MALRD1: variants seen among roughly 807,000 people sequenced by gnomAD.
The protein encoded by MALRD1 is MAM and LDL-receptor class A domain-containing protein 1.
MALRD1 carries 247 observed loss-of-function variants against 242.1 expected under a neutral mutation model. The observed-to-expected ratio is 1.02, with a 90% CI of 0.92 to 1.13. The LOEUF (loss-of-function observed/expected upper bound fraction) is 1.13, where lower values mean the gene tolerates loss of function less well. Among genes scored for constraint, MALRD1 ranks in the 50% most tolerant of loss-of-function variants. The pLI, the probability that MALRD1 is intolerant of heterozygous loss-of-function variation, is 0.00. For synonymous variants in MALRD1, 995 were observed against 866.6 expected, an observed-to-expected ratio of 1.15 and a Z score of -2.60; for missense variants, 2,989 against 2,533.1, an observed-to-expected ratio of 1.18 and a Z score of -3.86.
intron 38 of MALRD1, chr10:19,724,793 T>C (rs1255552583): frequency 1.3e-5 from 2 of 152,178 alleles, no homozygotes; most frequent in African/African-American, 4.8e-5. Flanking sequence ...AACTTCAGTA[T>C]TCATAAATGG....
chr10:19,531,116 CTGT>C, intron 31 of MALRD1, 75 bp from the exon 32 acceptor site: 1 of 1,200,992 alleles, frequency 8.3e-7, no homozygotes, highest in South Asian at 1.7e-5. Context: ...AAAAAGATAT[CTGT>C]TAATAGTTTA....
chr10:19,084,820 A>C, intron 2 of MALRD1, among the ~76,000 whole-genome samples: 1 of 152,090 alleles, frequency 6.6e-6, no homozygotes, highest in South Asian at 2.1e-4. Context: ...AAGTCCTCTA[A>C]CGTAAACATT....
chr10:19,616,751 T>C (rs1839174943), intron 36 of MALRD1, among the ~76,000 whole-genome samples: 1 of 151,986 alleles, frequency 6.6e-6, no homozygotes, highest in African/African-American at 2.4e-5. Context: ...GAAAAAGTAA[T>C]TTATTCCTAA....
chr10:19,354,848 A>G (rs935700150), intron 26 of MALRD1, among the ~76,000 whole-genome samples: 2 of 152,162 alleles, frequency 1.3e-5, no homozygotes, highest in African/African-American at 4.8e-5. Context: ...TTGTATCAAA[A>G]TATTACATGC....
intron 36 of MALRD1, among the ~76,000 whole-genome samples, chr10:19,687,480 A>G (rs114844597): frequency 1.5e-3 from 230 of 152,166 alleles, no homozygotes; most frequent in African/African-American, 5.1e-3. Flanking sequence ...CCCCACTTGC[A>G]CTGGTTTTCT....
chr10:19,234,808 A>G (rs188917068), intron 18 of MALRD1, among the ~76,000 whole-genome samples: 1 of 152,248 alleles, frequency 6.6e-6, no homozygotes, highest in Non-Finnish European at 1.5e-5. Flanking sequence ...ACAAAGGCAC[A>G]CAAGCAAAGA....
intron 2 of MALRD1, among the ~76,000 whole-genome samples, chr10:19,082,984 G>A (rs1300774317): frequency 6.6e-6 from 1 of 152,012 alleles, no homozygotes; most frequent in Non-Finnish European, 1.5e-5. Context: ...TGGTTCATAA[G>A]ACAGTACTAT....
At chr10:19,071,862 G>A (rs767252485) in intron 2 of MALRD1, among the ~76,000 whole-genome samples, 1 of 152,134 alleles carries the variant, frequency 6.6e-6, no homozygotes, top group Non-Finnish European at 1.5e-5. Flanking sequence ...TTTTAAATCA[G>A]TGAAAATTTA....
intron 36 of MALRD1, among the ~76,000 whole-genome samples, chr10:19,629,973 C>A (rs906489955): frequency 7.9e-5 from 12 of 152,176 alleles, no homozygotes; most frequent in African/African-American, 2.9e-4. Context: ...GAACTTATCC[C>A]TCTTAGTAGA....
chr10:19,305,374 G>C (rs1440992757), intron 21 of MALRD1, among the ~76,000 whole-genome samples: 1 of 151,430 alleles, frequency 6.6e-6, no homozygotes, highest in Admixed American at 6.6e-5. Flanking sequence ...CCCAAGTAAG[G>C]TTTTCAGGTT....
intron 13 of MALRD1, among the ~76,000 whole-genome samples, chr10:19,172,277 G>T (rs1171876433): frequency 4.1e-5 from 6 of 148,096 alleles, no homozygotes; most frequent in Non-Finnish European, 9.0e-5. Flanking sequence ...AGGTGATTTT[G>T]AAACCATGAG....
At chr10:19,518,046 C>T (rs1055339154) in intron 31 of MALRD1, among the ~76,000 whole-genome samples, 4 of 152,156 alleles carry the variant, frequency 2.6e-5, no homozygotes, top group Admixed American at 6.6e-5. Flanking sequence ...CACAGAAGCA[C>T]TTTAGGGAAT....
intron 29 of MALRD1, chr10:19,489,465 T>C: frequency 1.7e-6 from 1 of 582,072 alleles, no homozygotes; most frequent in South Asian, 1.4e-5. Context: ...CAGGGGAATA[T>C]TTTTATCAAC....
intron 18 of MALRD1, among the ~76,000 whole-genome samples, chr10:19,250,436 G>A (rs895476573): frequency 6.6e-6 from 1 of 151,948 alleles, no homozygotes; most frequent in Admixed American, 6.6e-5. Context: ...TGCGAAGTGG[G>A]TTACAGGGTA....
At chr10:19,716,680 G>C (rs570197196) in intron 38 of MALRD1, 18 of 152,204 alleles carry the variant, frequency 1.2e-4, no homozygotes, top group African/African-American at 4.1e-4. Context: ...AAAGCTTTAC[G>C]TGAGGTAGTT....
chr10:19,087,054 G>C (rs1835692828), intron 2 of MALRD1, among the ~76,000 whole-genome samples: 1 of 152,002 alleles, frequency 6.6e-6, no homozygotes, highest in African/African-American at 2.4e-5. Flanking sequence ...ACACCATACA[G>C]CTATCTTATC....
intron 35 of MALRD1, among the ~76,000 whole-genome samples, chr10:19,609,893 A>C (rs1482217300): frequency 1.3e-5 from 2 of 151,902 alleles, no homozygotes; most frequent in Non-Finnish European, 2.9e-5. Context: ...AAAAATGTAA[A>C]ATTGTAGGAT....
intron 24 of MALRD1, 39 bp downstream of exon 24, chr10:19,331,621 A>C: frequency 2.0e-6 from 3 of 1,467,796 alleles, no homozygotes; most frequent in South Asian, 2.4e-5. Context: ...TTTGCCTTCA[A>C]CTCCCACAGC....
intron 11 of MALRD1, among the ~76,000 whole-genome samples, chr10:19,151,449 G>A (rs1833939574): frequency 6.6e-6 from 1 of 151,778 alleles, no homozygotes; most frequent in East Asian, 1.9e-4. Context: ...TTATTTTCTA[G>A]GATCACAATT....
Sources: allele counts gnomAD v4.1 joint callset (sites outside exome capture counted in the v4.1 genomes callset), GRCh38; gene constraint gnomAD v4.1.1; transcripts MANE v1.5; gene names NCBI Gene and HGNC (gene_info 2026-07-23, HGNC 2026-07-21).